The following IRF2 variants were observed in gnomAD, a reference collection of about 807,000 sequenced individuals.
IRF2 encodes the protein interferon regulatory factor 2.
Under a neutral mutation model 40.6 loss-of-function variants are expected in IRF2, and 15 were observed. The ratio of observed to expected loss-of-function variants is 0.37; its 90% CI spans 0.25 to 0.57. The LOEUF (loss-of-function observed/expected upper bound fraction) is 0.57, where lower values mean the gene tolerates loss of function less well. IRF2 is among the 20% of genes least tolerant of loss of function. The probability of loss-of-function intolerance (pLI) is 0.77; values close to 1 mark genes in which losing one functional copy is unlikely to be tolerated. For synonymous variants in IRF2, 151 were observed against 165.5 expected (o/e 0.91, Z 0.67); for missense variants, 317 against 455.7 (o/e 0.70, Z 2.77).
In IRF2 at chr4:184,446,255, G is replaced by A. The variant is rs116732451; in HGVS notation, c.-6-17185C>T. On this transcript the variant is annotated intron_variant, in intron 1 of 8. Coordinates refer to ENST00000393593, the MANE Select transcript of IRF2 (RefSeq NM_002199.4). ...GCGGTAATTTGTTATGGCAGCCACA[G>A]GAAACTAATAGAGTAGACACTAGGG... Among the ~76,000 whole-genome samples the A allele has an allele frequency of 4.5e-3, 693 of 152,322 alleles. 3 individuals carry two copies. The highest frequency in any genetic ancestry group is 0.016 in the African/African-American group (651 of 41,572).
At chr4:184,451,369 T>G (rs1738708815) in intron 1 of IRF2, among the ~76,000 whole-genome samples, 1 of 152,170 alleles carries the variant, frequency 6.6e-6, no homozygotes, top group Non-Finnish European at 1.5e-5. Flanking sequence ...GAGATAATAG[T>G]GGTGGTGGGG....
Position 184,447,633 on chromosome 4 carries a change from A to C in IRF2, c.-6-18563T>G, listed in dbSNP as rs534655361. Among the ~76,000 whole-genome samples, 185 of 152,366 alleles carry C rather than the reference A, an allele frequency of 1.2e-3. 1 individual carries two copies. The highest frequency in any genetic ancestry group is 4.3e-3 in the African/African-American group (177 of 41,582). On this transcript the variant is annotated intron_variant, in intron 1 of 8. Coordinates refer to ENST00000393593, the MANE Select transcript of IRF2 (RefSeq NM_002199.4). ...TGATGGCTCCTTAATTAAAAGATCA[A>C]ATGAACGTTACGAATTAAGGGGCAA...
At chr4:184,437,358 A>AT (rs146772847) in intron 1 of IRF2, among the ~76,000 whole-genome samples, 11,540 of 130,756 alleles carry the variant, frequency 0.088, 1,475 homozygotes, top group African/African-American at 0.28. Context: ...GCCTGGCCTA[A>AT]TTTTTTAAAA....
At chr4:184,433,822 G>A (rs1473663840) in intron 1 of IRF2, among the ~76,000 whole-genome samples, 3 of 152,290 alleles carry the variant, frequency 2.0e-5, no homozygotes, top group African/African-American at 7.2e-5. Context: ...CGCTTGCCTC[G>A]CGACACGGTA....
At chr4:184,470,487 C>G (rs1346399872) in intron 1 of IRF2, among the ~76,000 whole-genome samples, 2 of 152,050 alleles carry the variant, frequency 1.3e-5, no homozygotes, top group Non-Finnish European at 2.9e-5. Context: ...TCGAGACAAG[C>G]CTGGCCAGCA....
intron 1 of IRF2, among the ~76,000 whole-genome samples, chr4:184,451,461 C>T (rs1470928734): frequency 6.6e-6 from 1 of 152,194 alleles, no homozygotes; most frequent in Non-Finnish European, 1.5e-5. Context: ...TTAACCCTCA[C>T]AGTAACCCCA....
intron 1 of IRF2, 79 bp from the exon 2 acceptor site, chr4:184,429,149 T>G (rs1218112596): frequency 4.6e-6 from 5 of 1,082,238 alleles, no homozygotes; most frequent in Non-Finnish European, 6.9e-6. Context: ...ACACCCCGCC[T>G]GACTCTTTCC....
At chr4:184,442,103 C>G (rs764730124) in intron 1 of IRF2, among the ~76,000 whole-genome samples, 48 of 152,312 alleles carry the variant, frequency 3.2e-4, no homozygotes, top group Non-Finnish European at 5.4e-4. Flanking sequence ...AGCTCCTGAG[C>G]TGGCCCGGGT....
In IRF2 at chr4:184,408,604, C is replaced by T. The variant is rs530093722; in HGVS notation, c.412-329G>A. On this transcript the variant is annotated intron_variant, in intron 5 of 8. Coordinates refer to ENST00000393593, the MANE Select transcript of IRF2 (RefSeq NM_002199.4). The surrounding 1 kb of genome is among the most constrained non-coding windows in gnomAD (Gnocchi z 4.9). ...ATTGTCTCTGTAAAATGCTGCACTG[C>T]GTGGATTCTACACTCTCCTCCTCTG... Among the ~76,000 whole-genome samples the T allele has an allele frequency of 5.3e-5, 8 of 152,132 alleles. No individual in the cohort carries two copies. Among genetic ancestry groups the T allele is most frequent in the African/African-American group, 1.4e-4 (6 of 41,422 alleles).
intron 6 of IRF2, among the ~76,000 whole-genome samples, chr4:184,404,764 C>A (rs1209760062): frequency 1.3e-5 from 2 of 152,130 alleles, no homozygotes; most frequent in Admixed American, 6.6e-5. Flanking sequence ...GCCGGTGACT[C>A]CGAGACAGGG....
At chr4:184,428,209 A>G (rs930870968) in intron 2 of IRF2, among the ~76,000 whole-genome samples, 1 of 152,236 alleles carries the variant, frequency 6.6e-6, no homozygotes, top group African/African-American at 2.4e-5. Context: ...GCTTCATTAC[A>G]GAGGTAAAAA....
At chr4:184,455,249 CCCCTCCCCCTTCCCT>C (rs1738872784) in intron 1 of IRF2, among the ~76,000 whole-genome samples, 1 of 56,350 alleles carries the variant, frequency 1.8e-5, no homozygotes, top group Non-Finnish European at 3.3e-5. Context: ...TTCCTCCCCT[CCCCTCCCCCTTCCCT>C]CCCTCTCCCT....
At chr4:184,433,191 T>A (rs1390681402) in intron 1 of IRF2, among the ~76,000 whole-genome samples, 1 of 152,120 alleles carries the variant, frequency 6.6e-6, no homozygotes, top group Non-Finnish European at 1.5e-5. Flanking sequence ...GAGTGTGAAA[T>A]CCTGAAATCC....
chr4:184,470,545 G>A (rs1739475853), intron 1 of IRF2, among the ~76,000 whole-genome samples: 3 of 152,112 alleles, frequency 2.0e-5, no homozygotes, highest in Non-Finnish European at 4.4e-5. Context: ...GCCAGGCATG[G>A]TAGCGCACGC....
At chr4:184,412,589 A>T (rs3775560) in intron 5 of IRF2, among the ~76,000 whole-genome samples, 27,410 of 152,192 alleles carry the variant, frequency 0.18, 3,074 homozygotes, top group Non-Finnish European at 0.25. Context: ...TGGACTTCAC[A>T]AGCAGGTCAG....
At chr4:184,468,900 G>C (rs901760562) in intron 1 of IRF2, among the ~76,000 whole-genome samples, 1 of 152,106 alleles carries the variant, frequency 6.6e-6, no homozygotes, top group Admixed American at 6.6e-5. Context: ...GTCTCCTGAG[G>C]ATGACAGAAT....
chr4:184,440,421 G>A (rs1304523752), intron 1 of IRF2, among the ~76,000 whole-genome samples: 2 of 152,240 alleles, frequency 1.3e-5, no homozygotes, highest in Non-Finnish European at 2.9e-5. Flanking sequence ...ATTAACGTGG[G>A]CAGCAACGTT....
chr4:184,399,221 C>T (rs1036429785), intron 6 of IRF2, 142 bp from the exon 7 acceptor site: 28 of 815,920 alleles, frequency 3.4e-5, no homozygotes, highest in Middle Eastern at 2.4e-4. Flanking sequence ...CTGAAGAACA[C>T]GCCTGAGCTC....
chr4:184,392,076 G>A (rs376895184), intron 7 of IRF2, among the ~76,000 whole-genome samples: 2 of 152,166 alleles, frequency 1.3e-5, no homozygotes, highest in African/African-American at 2.4e-5. Context: ...CTTTTTAAAC[G>A]TAAAAACATT....
Sources: gnomAD v4.1 joint callset for allele counts (sites outside exome capture counted in the v4.1 genomes callset) on GRCh38, gnomAD v4.1.1 for gene constraint, Gnocchi (gnomAD v3.1) non-coding constraint, MANE v1.5 for transcripts, NCBI Gene and HGNC (gene_info 2026-07-23, HGNC 2026-07-21) for gene names.